SLC26A6: variants seen among roughly 807,000 people sequenced by gnomAD.
The protein encoded by SLC26A6 is anion exchange transporter.
Under a neutral mutation model 87.1 loss-of-function variants are expected in SLC26A6, and 67 were observed. That is an observed-to-expected ratio of 0.77 (90% CI 0.63 to 0.94). SLC26A6 has a LOEUF of 0.94. Ranked by LOEUF, SLC26A6 falls within the 40% of genes least tolerant of loss-of-function variation. The pLI is 0.00. For synonymous variants in SLC26A6, 414 were observed against 405.9 expected (o/e 1.02, Z -0.24); for missense variants, 902 against 973.0 (o/e 0.93, Z 0.97).
chr3:48,635,139 G>A (rs1647801717), intron 1 of SLC26A6, among the ~76,000 whole-genome samples: 1 of 152,230 alleles, frequency 6.6e-6, no homozygotes, highest in Admixed American at 6.5e-5. Flanking sequence ...GGCCCGGGAT[G>A]GCCCTCGGGC....
At position 48,627,047 on chromosome 3, in the gene SLC26A6, G is replaced by A. The variant is rs387907493; in HGVS notation, c.1902C>T (p.Ser634=). ...TTGCATCTTCCATCTTATCTCCTGA[G>A]CTCACCTGCTGGGGAGCCAGACATG... ...NVEDCKMMQV[S]SGDKMEDATA... The change falls in exon 18 of 21, where the codon AGC becomes AGT. Residue 634 remains serine, a synonymous_variant. Coordinates refer to ENST00000395550, the MANE Select transcript of SLC26A6 (RefSeq NM_022911.3). 8.1e-6 allele frequency: 13 copies of A among 1,612,800 alleles called. No individual in the cohort carries two copies. In the South Asian group the frequency reaches 1.3e-4, roughly 16 times the overall value.
chr3:48,634,906 C>G (rs1233010723), intron 1 of SLC26A6, among the ~76,000 whole-genome samples: 4 of 152,190 alleles, frequency 2.6e-5, no homozygotes, highest in Non-Finnish European at 5.9e-5. Flanking sequence ...ACTTGGGACC[C>G]GCGTTTGGAG....
rs776753504 is a variant in SLC26A6, at chr3:48,632,105, G to T, written c.586-61C>A. 9.4e-6 allele frequency: 15 copies of T among 1,602,572 alleles called. No individual in the cohort carries two copies. In the Middle Eastern group the frequency reaches 6.8e-4, roughly 72 times the overall value. ...GGTCCTGGGGTTGCTAATGAGGAGCGCAGGGCAAGTGGGATGGGAGGGGGA... is the reference window on the plus strand; with the variant it reads ...GGTCCTGGGGTTGCTAATGAGGAGCTCAGGGCAAGTGGGATGGGAGGGGGA... On this transcript the variant is annotated intron_variant, in intron 5 of 20. Transcript: ENST00000395550.
Position 48,631,282 on chromosome 3 carries a change from A to G in SLC26A6, c.928T>C (p.Tyr310His). ...LTLIGATGIS[Y>H]GMGLKHRFEV... is the part of the protein sequence containing the mutation. ...AATCTGTGCTTTAGACCCATGCCAT[A>G]GGAGATGCCTGTGGCCCCGATGAGC... Residue 310 changes from tyrosine (Y) to histidine (H), a missense_variant, in exon 8 of 21, where the codon TAT becomes CAT. Around this residue, in one of 3 missense-constraint regions of SLC26A6, gnomAD observed 800 missense variants for 856.8 expected, o/e 0.93. Transcript: ENST00000395550. The G allele has an allele frequency of 6.2e-7, 1 of 1,604,708 alleles. No individual in the cohort carries two copies. Among genetic ancestry groups the G allele is most frequent in the South Asian group, 1.1e-5 (1 of 89,614 alleles).
chr3:48,630,647 GA>G lies in SLC26A6; in HGVS notation c.1207del (p.Ser403LeufsTer49), dbSNP rs1559467533. 6.3e-7 allele frequency: 1 copy of G among 1,597,122 alleles called. No homozygotes were observed. The highest frequency in any genetic ancestry group is 2.3e-5 in the East Asian group (1 of 44,340). On this transcript the variant is annotated frameshift_variant, in exon 10 of 21. Transcript: ENST00000395550. LOFTEE classifies it high-confidence loss of function. ...FQCFPVSCSM[S>X]RSLVQESTGG... ...GGTGCTCTCCTGTACCAGGCTCCGA[GA>G]CATAGAGCAACTCACGGGGAAGCAC...
Position 48,625,942 on chromosome 3 carries a change from C to T in SLC26A6, c.*44G>A, listed in dbSNP as rs2046607789. On this transcript the variant is annotated 3_prime_UTR_variant, in exon 21 of 21. Transcript: ENST00000395550. The surrounding 1 kb of genome is among the most constrained non-coding windows in gnomAD (Gnocchi z 4.7). ...AGGGGTGAGGGGCTTCTCAAGGGTGCCCTGCACCTCCAGAGGTGCAGTCTT... is the reference window on the plus strand; with the variant it reads ...AGGGGTGAGGGGCTTCTCAAGGGTGTCCTGCACCTCCAGAGGTGCAGTCTT... 1 of 1,613,018 alleles carries T rather than the reference C, an allele frequency of 6.2e-7. No homozygotes were observed. The highest frequency in any genetic ancestry group is 1.7e-5 in the Admixed American group (1 of 59,972).
At chr3:48,627,118 A>G (rs2106643943) in intron 17 of SLC26A6, 63 bp from the exon 18 acceptor site, 1 of 1,563,992 alleles carries the variant, frequency 6.4e-7, no homozygotes, top group Non-Finnish European at 8.7e-7. Flanking sequence ...CTGGCCGCAC[A>G]CAGACACGCG....
At chr3:48,629,542 C>CA in intron 14 of SLC26A6, 100 bp downstream of exon 14, 1 of 1,319,422 alleles carries the variant, frequency 7.6e-7, no homozygotes, top group Non-Finnish European at 1.0e-6. Context: ...AAAGTATCCT[C>CA]AGCCCCCAGT....
chr3:48,633,940 TC>T, intron 1 of SLC26A6: 1 of 1,166,268 alleles, frequency 8.6e-7, no homozygotes, highest in Non-Finnish European at 1.1e-6. Context: ...GTTCTACCAG[TC>T]CAGGTCCCAG....
chr3:48,631,839 A>G, intron 6 of SLC26A6, 38 bp from the exon 7 acceptor site: 1 of 1,613,098 alleles, frequency 6.2e-7, no homozygotes, highest in Non-Finnish European at 8.5e-7. Flanking sequence ...ACTCAAGGCC[A>G]TGGGGCACAC....
At chr3:48,629,762 CAG>C (rs759413369) in intron 13 of SLC26A6, 51 bp from the exon 14 acceptor site, 52 of 1,610,720 alleles carry the variant, frequency 3.2e-5, no homozygotes, top group Non-Finnish European at 4.3e-5. Flanking sequence ...AAGGGGATAA[CAG>C]AGGGGTCCGA....
In SLC26A6 at chr3:48,633,866, G is replaced by T. The variant is rs1053953080; in HGVS notation, c.24-231C>A. ...CTCTTTCTAGGACAAAGTCCCCCAA[G>T]TAGGGACTGCAGGATGAGCACTAGC... On this transcript the variant is annotated intron_variant, in intron 1 of 20. Transcript: ENST00000395550. 1.4e-5 allele frequency: 20 copies of T among 1,413,580 alleles called. No homozygotes were observed. The South Asian group carries it at 2.1e-4, about 15-fold the overall frequency. 87.6% of individuals were successfully genotyped at this position (1,413,580 alleles called of 1,614,324 possible). A position where few individuals can be genotyped will look rare whatever the true frequency, so the allele number is the denominator to read the frequency against.
In SLC26A6 at chr3:48,630,737, C is replaced by G. The variant is rs114135552; in HGVS notation, c.1135-17G>C. 80,489 of 1,583,514 alleles carry G rather than the reference C, an allele frequency of 0.051. 2,378 individuals are homozygous for G. Among genetic ancestry groups the G allele is most frequent in the Non-Finnish European group, 0.058 (67,644 of 1,163,342 alleles). ...CACCAGCTCCTGACGGGGGACAGTA[C>G]GGGTGTGAGAAGACTTCCTAGAAGT... On this transcript the variant is annotated splice_polypyrimidine_tract_variant and intron_variant, in intron 9 of 20. Transcript: ENST00000395550.
intron 5 of SLC26A6, 84 bp from the exon 6 acceptor site, chr3:48,632,128 G>A: frequency 6.3e-7 from 1 of 1,591,530 alleles, no homozygotes; most frequent in African/African-American, 1.3e-5. Context: ...GATGGGAGGG[G>A]GATGAGTAGA....
rs772811440 is a variant in SLC26A6 at position 48,633,497 on chromosome 3, G to A, written c.162C>T (p.His54=). The part of the protein sequence containing the change: ...LGRWGSAPRT[H]QWRTWLQCSR... ...CTTACTGCAACCAGGTCCGCCACTGGTGGGTCCTAGGTGCTGAGCCCCAGC... is the reference window on the plus strand; with the variant it reads ...CTTACTGCAACCAGGTCCGCCACTGATGGGTCCTAGGTGCTGAGCCCCAGC... Residue 54 remains histidine, a synonymous_variant, in exon 2 of 21, where the codon CAC becomes CAT. Transcript: ENST00000395550. 7.4e-6 allele frequency: 12 copies of A among 1,613,046 alleles called. No homozygotes were observed. The East Asian group carries it at 2.5e-4, about 33-fold the overall frequency.
intron 4 of SLC26A6, chr3:48,632,671 G>A (rs1386110846): frequency 1.4e-6 from 1 of 689,756 alleles, no homozygotes; most frequent in Admixed American, 2.0e-5. Context: ...GAGGCTCTCT[G>A]TGGAGTAGGG....
chr3:48,630,955 C>T (rs2046771020), intron 9 of SLC26A6, 38 bp downstream of exon 9: 1 of 1,608,478 alleles, frequency 6.2e-7, no homozygotes, highest in South Asian at 1.1e-5. Context: ...CGCCTCCATA[C>T]ACTTGGATGC....
intron 1 of SLC26A6, among the ~76,000 whole-genome samples, chr3:48,634,527 T>C (rs2046900423): frequency 6.6e-6 from 1 of 151,968 alleles, no homozygotes; most frequent in Admixed American, 6.6e-5. Flanking sequence ...TGGGGGGTAC[T>C]CTCCCATAGA....
intron 1 of SLC26A6, among the ~76,000 whole-genome samples, chr3:48,634,552 C>G (rs191941275): frequency 1.3e-5 from 2 of 151,938 alleles, no homozygotes; most frequent in African/African-American, 2.4e-5. Context: ...GCTCTGACCT[C>G]GGGCGAGGCT....
Sources: allele counts gnomAD v4.1 joint callset (sites outside exome capture counted in the v4.1 genomes callset), GRCh38; gene constraint gnomAD v4.1.1; regional missense constraint gnomAD v4.1.1; non-coding constraint Gnocchi (gnomAD v3.1); transcripts MANE v1.5; gene names NCBI Gene and HGNC (gene_info 2026-07-23, HGNC 2026-07-21).